PTPRN2: variants seen among roughly 807,000 people sequenced by gnomAD.
The protein encoded by PTPRN2 is protein tyrosine phosphatase receptor type N2, also known as receptor-type tyrosine-protein phosphatase N2.
In PTPRN2, 74 loss-of-function variants were observed where a neutral mutation model predicts 118.8. The observed-to-expected ratio is 0.62, with a 90% CI of 0.52 to 0.76. PTPRN2 has a LOEUF of 0.76. PTPRN2 is among the 30% of genes least tolerant of loss of function. The pLI is 0.00. For synonymous variants in PTPRN2, 641 were observed against 608.0 expected (o/e 1.05, Z -0.80); for missense variants, 1,481 against 1,394.4 (o/e 1.06, Z -0.99).
intron 1 of PTPRN2, among the ~76,000 whole-genome samples, chr7:158,507,597 C>T (rs750619205): frequency 1.3e-5 from 2 of 148,550 alleles, no homozygotes; most frequent in African/African-American, 2.5e-5. Context: ...ACACGAAGGT[C>T]AGTGAGGAAC....
intron 2 of PTPRN2, among the ~76,000 whole-genome samples, chr7:158,447,036 C>T (rs560274401): frequency 1.2e-4 from 18 of 152,304 alleles, no homozygotes; most frequent in African/African-American, 4.3e-4. Flanking sequence ...AGCTAGGATG[C>T]CAGGTGGGGC....
intron 11 of PTPRN2, among the ~76,000 whole-genome samples, chr7:157,901,327 C>A (rs548874335): frequency 2.0e-5 from 3 of 152,038 alleles, no homozygotes; most frequent in Non-Finnish European, 4.4e-5. Context: ...ATGGCGGGGC[C>A]GAACCAACCA....
At chr7:158,292,109 T>G (rs1800161893) in intron 3 of PTPRN2, among the ~76,000 whole-genome samples, 2 of 152,172 alleles carry the variant, frequency 1.3e-5, no homozygotes, top group Non-Finnish European at 2.9e-5. Flanking sequence ...ATCCCTCCTC[T>G]CCCCACCTTC....
At chr7:158,271,239 C>T (rs888717030) in intron 3 of PTPRN2, among the ~76,000 whole-genome samples, 6 of 152,096 alleles carry the variant, frequency 3.9e-5, no homozygotes, top group South Asian at 4.1e-4. Flanking sequence ...AGCGGTCAGC[C>T]GCAAAACACC....
At chr7:157,952,938 G>A (rs539003648) in intron 11 of PTPRN2, among the ~76,000 whole-genome samples, 7 of 152,146 alleles carry the variant, frequency 4.6e-5, no homozygotes, top group South Asian at 2.1e-4. Flanking sequence ...ACGTCAGCAC[G>A]GCAGGTGGGA....
At chr7:158,080,449 G>C (rs995196799) in intron 11 of PTPRN2, among the ~76,000 whole-genome samples, 1 of 151,960 alleles carries the variant, frequency 6.6e-6, no homozygotes, top group African/African-American at 2.4e-5. Context: ...TACGGAACGG[G>C]AGCACCCTGC....
At chr7:157,902,871 G>C (rs1015560837) in intron 11 of PTPRN2, among the ~76,000 whole-genome samples, 1 of 152,142 alleles carries the variant, frequency 6.6e-6, no homozygotes, top group African/African-American at 2.4e-5. Flanking sequence ...AGTGAAACAG[G>C]CATCGTGGTG....
At chr7:158,400,983 C>T (rs967094826) in intron 2 of PTPRN2, among the ~76,000 whole-genome samples, 4 of 152,300 alleles carry the variant, frequency 2.6e-5, no homozygotes, top group South Asian at 2.1e-4. Context: ...AGAGCTTCCC[C>T]GACTGCGGTG....
At chr7:158,143,582 T>G (rs1819592196) in intron 6 of PTPRN2, among the ~76,000 whole-genome samples, 1 of 152,054 alleles carries the variant, frequency 6.6e-6, no homozygotes, top group African/African-American at 2.4e-5. Context: ...TGGTGGTTGC[T>G]AAGGAAAGGT....
At chr7:158,337,228 C>T (rs1340269854) in intron 2 of PTPRN2, among the ~76,000 whole-genome samples, 2 of 151,632 alleles carry the variant, frequency 1.3e-5, no homozygotes, top group Non-Finnish European at 2.9e-5. Context: ...ACGTCACTAA[C>T]ACCCACATTC....
chr7:157,679,608 C>A (rs955791884), intron 13 of PTPRN2, among the ~76,000 whole-genome samples: 1 of 152,214 alleles, frequency 6.6e-6, no homozygotes, highest in African/African-American at 2.4e-5. Context: ...AATCTCCTTA[C>A]TGCTTCAAAA....
intron 4 of PTPRN2, 86 bp downstream of exon 4, chr7:158,205,085 A>G: frequency 8.5e-7 from 1 of 1,182,508 alleles, no homozygotes; most frequent in Non-Finnish European, 1.2e-6. Context: ...TTGCTACATT[A>G]AAACAAACAA....
chr7:158,162,353 T>A (rs73173649), intron 6 of PTPRN2, among the ~76,000 whole-genome samples: 34,579 of 152,116 alleles, frequency 0.23, 4,883 homozygotes, highest in African/African-American at 0.4. Context: ...TGTTCCTCAG[T>A]AGGCGAATAA....
intron 3 of PTPRN2, among the ~76,000 whole-genome samples, chr7:158,257,568 G>A (rs1025975648): frequency 6.6e-6 from 1 of 152,184 alleles, no homozygotes; most frequent in African/African-American, 2.4e-5. Context: ...GGTGCTGGAC[G>A]ACCCCGAGCC....
At position 157,618,969 on chromosome 7, in the gene PTPRN2, C is replaced by G. The variant is rs187348433; in HGVS notation, c.2344+2393G>C. Among the ~76,000 whole-genome samples the G allele has an allele frequency of 2.9e-3, 441 of 152,230 alleles. 1 individual carries two copies. Among genetic ancestry groups the G allele is most frequent in the Non-Finnish European group, 4.3e-3 (295 of 68,018 alleles). On this transcript the variant is annotated intron_variant, in intron 15 of 22. Transcript: ENST00000389418. This position sits in a 1 kb window ranked among gnomAD's most constrained non-coding sequence, Gnocchi z 4.2. ...AGGTGCTTTCCCCCTCACCCGTCAC[C>G]TGGCTCAGAATGGGCAGGGCTGTCC...
intron 3 of PTPRN2, among the ~76,000 whole-genome samples, chr7:158,306,592 C>T (rs1010880422): frequency 2.6e-5 from 4 of 152,170 alleles, no homozygotes; most frequent in Non-Finnish European, 5.9e-5. Flanking sequence ...AAAACACAAA[C>T]TTTACAGAAT....
At chr7:158,067,571 C>G (rs1261681351) in intron 11 of PTPRN2, among the ~76,000 whole-genome samples, 1 of 152,168 alleles carries the variant, frequency 6.6e-6, no homozygotes, top group Non-Finnish European at 1.5e-5. Context: ...AACTGCTGTT[C>G]TACAATCTTG....
chr7:157,727,599 G>A (rs942190770), intron 12 of PTPRN2, among the ~76,000 whole-genome samples: 17 of 152,174 alleles, frequency 1.1e-4, no homozygotes, highest in African/African-American at 4.1e-4. Flanking sequence ...TCTGGAAATG[G>A]GTGGTGGAGA....
At chr7:158,136,813 C>T in intron 7 of PTPRN2, 118 bp from the exon 8 acceptor site, 1 of 930,158 alleles carries the variant, frequency 1.1e-6, no homozygotes, top group South Asian at 1.4e-5. Context: ...TGTGATGACG[C>T]TGGCCTAAGT....
Sources: allele counts gnomAD v4.1 joint callset (sites outside exome capture counted in the v4.1 genomes callset), GRCh38; gene constraint gnomAD v4.1.1; non-coding constraint Gnocchi (gnomAD v3.1); transcripts MANE v1.5; gene names NCBI Gene and HGNC (gene_info 2026-07-23, HGNC 2026-07-21).